The following RNF20 variants were observed in gnomAD, a reference collection of about 807,000 sequenced individuals.
The protein encoded by RNF20 is E3 ubiquitin-protein ligase BRE1A.
RNF20 carries 84 observed loss-of-function variants against 126.2 expected under a neutral mutation model. The observed-to-expected ratio is 0.67, with a 90% CI of 0.56 to 0.80. The LOEUF (loss-of-function observed/expected upper bound fraction) is 0.80. RNF20 is among the 30% of genes least tolerant of loss of function. The probability of loss-of-function intolerance (pLI) is 0.00; values close to 1 mark genes in which losing one functional copy is unlikely to be tolerated. For missense variants in RNF20, 869 were observed against 1,188.2 expected, an observed-to-expected ratio of 0.73 and a Z score of 3.95; for synonymous variants, 400 against 414.3, an observed-to-expected ratio of 0.97 and a Z score of 0.42.
At chr9:101,551,615 C>CTATTATTGATATATATTTTT in intron 10 of RNF20, 69 bp from the exon 11 acceptor site, 2 of 690,558 alleles carry the variant, frequency 2.9e-6, no homozygotes, top group South Asian at 3.6e-5. Flanking sequence ...TCAGAGTAAT[C>CTATTATTGATATATATTTTT]CATAGAATAT....
At chr9:101,547,638 A>C (rs1827373894) in intron 9 of RNF20, 120 bp downstream of exon 9, 1 of 1,160,472 alleles carries the variant, frequency 8.6e-7, no homozygotes, top group East Asian at 2.6e-5. Flanking sequence ...AAAATCCAAC[A>C]TCCTTTTATG....
chr9:101,534,117 G>C (rs1375599579), intron 1 of RNF20: 1 of 152,190 alleles, frequency 6.6e-6, no homozygotes, highest in East Asian at 1.9e-4. Context: ...TTGCAGCCTT[G>C]TTCTGCTTCT....
chr9:101,554,884 T>C, intron 15 of RNF20, 41 bp downstream of exon 15: 1 of 1,369,876 alleles, frequency 7.3e-7, no homozygotes, highest in South Asian at 2.1e-5. Context: ...TTTGAGTAAA[T>C]GTTACTTGAC....
In RNF20 at chr9:101,554,073, C is replaced by T. The variant is rs1395585850; in HGVS notation, c.1987C>T (p.Leu663=). 3.7e-6 allele frequency: 6 copies of T among 1,611,526 alleles called. No individual in the cohort carries two copies. Among genetic ancestry groups the T allele is most frequent in the Non-Finnish European group, 3.4e-6 (4 of 1,177,734 alleles). The part of the protein sequence containing the change: ...APKEQRDKVQ[L]MAAEKKSKAE... The stretch of plus-strand genomic sequence containing the variant: ...AAAGGAACAGAGAGACAAAGTTCAG[C>T]TGATGGCAGCTGAGAAGAAGTCTAA... The change falls in exon 14 of 20, where the codon CTG becomes TTG. Residue 663 remains leucine, a synonymous_variant. Coordinates refer to ENST00000389120, the MANE Select transcript of RNF20 (RefSeq NM_019592.7).
Position 101,550,780 on chromosome 9 carries a change from A to G in RNF20, c.1267A>G (p.Ile423Val), listed in dbSNP as rs1362327626. 2 of 1,614,028 alleles carry G rather than the reference A, an allele frequency of 1.2e-6. No individual in the cohort carries two copies. The highest frequency in any genetic ancestry group is 1.6e-4 in the Middle Eastern group (1 of 6,062). ...AACCCACCAGCACCAGGTTGAGCTT[A>G]TTGAGGTAATAGCCTTGCCTTGTCT... is the stretch of plus-strand genomic sequence containing the variant. The part of the protein sequence containing the change: ...RGTHQHQVEL[I>V]ERDEVSLHKK... The change falls in exon 10 of 20, where the codon ATT (isoleucine) becomes GTT (valine). Residue 423 changes from isoleucine to valine, a missense_variant. Ile to Val is a conservative substitution (Grantham distance 29). Coordinates refer to ENST00000389120, the MANE Select transcript of RNF20 (RefSeq NM_019592.7).
chr9:101,559,985 C>G (rs1290813074), intron 16 of RNF20, among the ~76,000 whole-genome samples: 1 of 152,068 alleles, frequency 6.6e-6, no homozygotes, highest in African/African-American at 2.4e-5. Context: ...TTCCAGTTCT[C>G]AGGGGGAATG....
At position 101,560,898 on chromosome 9, in the gene RNF20, C is replaced by A. The variant is rs758578005; in HGVS notation, c.2480C>A (p.Thr827Asn). 1.9e-6 allele frequency: 3 copies of A among 1,612,688 alleles called. No individual in the cohort carries two copies. In the South Asian group the frequency reaches 3.3e-5, roughly 18 times the overall value. Reference sequence around the variant, plus strand: ...GGGGAGAAAGAGCTGGGTCTTAGGACCCAAGCCTTAGAGATGAATAAACGC... The same window carrying A: ...GGGGAGAAAGAGCTGGGTCTTAGGAACCAAGCCTTAGAGATGAATAAACGC... Reference protein sequence around the residue: ...GTGEKELGLRTQALEMNKRKA... With the variant: ...GTGEKELGLRNQALEMNKRKA... Residue 827 changes from threonine to asparagine, a missense_variant, in exon 17 of 20, where the codon ACC becomes AAC. Coordinates refer to ENST00000389120, the MANE Select transcript of RNF20 (RefSeq NM_019592.7).
intron 9 of RNF20, among the ~76,000 whole-genome samples, chr9:101,549,632 C>T (rs1827409442): frequency 6.6e-6 from 1 of 152,154 alleles, no homozygotes; most frequent in Non-Finnish European, 1.5e-5. Context: ...TCCCTTGACA[C>T]TTACGCTACC....
At chr9:101,551,278 T>C (rs1827440084) in intron 10 of RNF20, among the ~76,000 whole-genome samples, 1 of 152,210 alleles carries the variant, frequency 6.6e-6, no homozygotes, top group African/African-American at 2.4e-5. Context: ...CAAAATTACT[T>C]ACATTTCTTA....
At chr9:101,553,739 C>T (rs560301569) in intron 13 of RNF20, among the ~76,000 whole-genome samples, 1 of 152,116 alleles carries the variant, frequency 6.6e-6, no homozygotes, top group African/African-American at 2.4e-5. Context: ...ACACAAATGT[C>T]TGTTTTATAA....
At chr9:101,549,090 G>T (rs936956867) in intron 9 of RNF20, among the ~76,000 whole-genome samples, 1 of 152,198 alleles carries the variant, frequency 6.6e-6, no homozygotes, top group Non-Finnish European at 1.5e-5. Context: ...ACGAGAGAGT[G>T]TAGAAATAAA....
At chr9:101,544,096 A>G (rs1224983542) in intron 5 of RNF20, among the ~76,000 whole-genome samples, 1 of 152,178 alleles carries the variant, frequency 6.6e-6, no homozygotes, top group African/African-American at 2.4e-5. Context: ...TCATTTAATT[A>G]CATTTGGATT....
Position 101,552,607 on chromosome 9 carries a change from G to A in RNF20, c.1755G>A (p.Glu585=), listed in dbSNP as rs766374344. 1 of 1,544,808 alleles carries A rather than the reference G, an allele frequency of 6.5e-7. No homozygotes were observed. The highest frequency in any genetic ancestry group is 1.1e-5 in the South Asian group (1 of 89,742). Residue 585 remains glutamate, a synonymous_variant, in exon 13 of 20, where the codon GAG becomes GAA. Transcript: ENST00000389120. ...AGAGGGAACGAGAAAGAGAACGGGA[G>A]AAGGAGAAGGAGAGAGAACGAGAGA... ...EKERERERER[E]KEKEREREKQ...
At position 101,561,987 on chromosome 9, in the gene RNF20, G is replaced by C. The variant is rs775764412; in HGVS notation, c.2727G>C (p.Leu909=). 1 of 1,610,550 alleles carries C rather than the reference G, an allele frequency of 6.2e-7. No homozygotes were observed. Among genetic ancestry groups the C allele is most frequent in the Non-Finnish European group, 8.5e-7 (1 of 1,178,730 alleles). The part of the protein sequence containing the change: ...PDNVPKCDEI[L]MEEIKDYKAR... ...ATGTACCCAAGTGTGATGAGATTCTGATGGAAGAGATTAAGGATTACAAGG... is the reference window on the plus strand; with the variant it reads ...ATGTACCCAAGTGTGATGAGATTCTCATGGAAGAGATTAAGGATTACAAGG... Residue 909 remains leucine, a synonymous_variant, in exon 19 of 20, where the codon CTG becomes CTC. Coordinates refer to ENST00000389120, the MANE Select transcript of RNF20 (RefSeq NM_019592.7).
rs753981827 is a variant in RNF20 at position 101,547,526 on chromosome 9, C to T, written c.1092+8C>T. 2.2e-5 allele frequency: 36 copies of T among 1,613,566 alleles called. No individual in the cohort carries two copies. Among genetic ancestry groups the T allele is most frequent in the South Asian group, 1.6e-4 (15 of 91,064 alleles). On this transcript the variant is annotated splice_region_variant and intron_variant, in intron 9 of 19. Transcript: ENST00000389120. ...CAAAATGAAAAGCTGAAGGTAGGAA[C>T]GCATCCCTGAAGGGCAGTAAAATCA...
chr9:101,542,735 T>G (rs899299998), intron 5 of RNF20, among the ~76,000 whole-genome samples: 2 of 152,224 alleles, frequency 1.3e-5, no homozygotes, highest in Non-Finnish European at 2.9e-5. Context: ...GTGAAACAAT[T>G]GTTTTATTTA....
chr9:101,540,968 C>G lies in RNF20; in HGVS notation c.621C>G (p.Asn207Lys), dbSNP rs763041367. 3 of 1,613,890 alleles carry G rather than the reference C, an allele frequency of 1.9e-6. No homozygotes were observed. Among genetic ancestry groups the G allele is most frequent in the Non-Finnish European group, 2.5e-6 (3 of 1,179,834 alleles). ...TGGAGCTCTTATCCCGGAAGCTAAA[C>G]AGTGGAGGTGAGGCAAGACCCTGGA... Reference protein sequence around the residue: ...EKVELLSRKLNSGDNLIVEEA... With the variant: ...EKVELLSRKLKSGDNLIVEEA... The change falls in exon 5 of 20, where the codon AAC becomes AAG. Residue 207 changes from asparagine (N) to lysine (K), a missense_variant. Asn to Lys is a moderately conservative substitution (Grantham distance 94, BLOSUM62 0). Transcript: ENST00000389120.
At chr9:101,540,769 C>T in intron 4 of RNF20, 24 bp from the exon 5 acceptor site, 3 of 1,593,870 alleles carry the variant, frequency 1.9e-6, no homozygotes, top group Non-Finnish European at 2.6e-6. Flanking sequence ...TGGGGGGCTT[C>T]TTTTTTTCCC....
intron 15 of RNF20, among the ~76,000 whole-genome samples, chr9:101,557,144 T>C (rs1356963609): frequency 6.6e-6 from 1 of 152,210 alleles, no homozygotes; most frequent in Non-Finnish European, 1.5e-5. Flanking sequence ...TAAATACAAT[T>C]ATTGTCTAAT....
Sources: gnomAD v4.1 joint callset for allele counts (sites outside exome capture counted in the v4.1 genomes callset) on GRCh38, gnomAD v4.1.1 for gene constraint, MANE v1.5 for transcripts, NCBI Gene and HGNC (gene_info 2026-07-23, HGNC 2026-07-21) for gene names.